The following PLEKHA5 variants were observed in gnomAD, a reference collection of about 807,000 sequenced individuals.
PLEKHA5 encodes the protein pleckstrin homology domain containing A5.
Under a neutral mutation model 181.9 loss-of-function variants are expected in PLEKHA5, and 55 were observed. The observed-to-expected ratio is 0.30, with a 90% CI of 0.24 to 0.38. PLEKHA5 has a LOEUF of 0.38. Among genes scored for constraint, PLEKHA5 ranks in the 10% least tolerant of loss-of-function variants. The probability of loss-of-function intolerance (pLI) is 1.00; values close to 1 mark genes in which losing one functional copy is unlikely to be tolerated. For missense variants in PLEKHA5, 1,432 were observed against 1,549.5 expected (o/e 0.92, Z 1.27); for synonymous variants, 535 against 529.4 (o/e 1.01, Z -0.15).
chr12:19,251,312 C>T (rs1043317457), intron 3 of PLEKHA5, among the ~76,000 whole-genome samples: 2 of 150,972 alleles, frequency 1.3e-5, no homozygotes. Flanking sequence ...GAGGCTGAGG[C>T]AGGAGGATCC....
chr12:19,268,582 A>C (rs1326321707), intron 8 of PLEKHA5, among the ~76,000 whole-genome samples: 1 of 152,198 alleles, frequency 6.6e-6, no homozygotes, highest in African/African-American at 2.4e-5. Context: ...CAGAATGGTA[A>C]GTAGAAACTT....
rs2070159135 is a variant in PLEKHA5 at position 19,265,808 on chromosome 12, G to T, written c.669G>T (p.Leu223Phe). ...TGTTACCTAGTTTTCAGATAGCTTT[G>T]CTTACCTCTGAAGATCACATTAATC... ...SILLPSFQIA[L>F]LTSEDHINRK... Residue 223 changes from leucine to phenylalanine, a missense_variant, in exon 8 of 32, where the codon TTG becomes TTT. Leu to Phe is a conservative substitution (Grantham distance 22). Coordinates refer to ENST00000429027, the MANE Select transcript of PLEKHA5 (RefSeq NM_001256470.2). 2 of 1,605,030 alleles carry T rather than the reference G, an allele frequency of 1.2e-6. No homozygotes were observed. The highest frequency in any genetic ancestry group is 2.2e-5 in the South Asian group (2 of 90,542).
intron 3 of PLEKHA5, among the ~76,000 whole-genome samples, chr12:19,206,257 C>T (rs2055469510): frequency 6.6e-6 from 1 of 151,686 alleles, no homozygotes; most frequent in African/African-American, 2.4e-5. Flanking sequence ...TATTTTTATG[C>T]GTTTTCTCCA....
chr12:19,293,790 A>G (rs937664339), intron 15 of PLEKHA5, among the ~76,000 whole-genome samples: 5 of 152,158 alleles, frequency 3.3e-5, no homozygotes, highest in African/African-American at 1.2e-4. Context: ...GCCCTTCCTC[A>G]ATCACTTTCC....
chr12:19,374,066 T>A (rs992824567), intron 31 of PLEKHA5, among the ~76,000 whole-genome samples: 2 of 152,220 alleles, frequency 1.3e-5, no homozygotes, highest in Non-Finnish European at 2.9e-5. Context: ...TTATTTCATA[T>A]CTTCCTATTA....
intron 10 of PLEKHA5, among the ~76,000 whole-genome samples, chr12:19,272,422 A>G (rs1451574911): frequency 6.6e-6 from 1 of 152,082 alleles, no homozygotes; most frequent in Non-Finnish European, 1.5e-5. Context: ...AAGAAAAAAA[A>G]CCCACCACAG....
chr12:19,358,442 A>G lies in PLEKHA5; in HGVS notation c.3348+5A>G, dbSNP rs759806744. On this transcript the variant is annotated splice_donor_5th_base_variant and intron_variant, in intron 27 of 31. Coordinates refer to ENST00000429027, the MANE Select transcript of PLEKHA5 (RefSeq NM_001256470.2). The stretch of plus-strand genomic sequence containing the variant: ...AATCCATTTAGGACTACTCAGGTAT[A>G]TGAATTGCATTTGATTATTATTTTG... The G allele has an allele frequency of 6.4e-7, 1 of 1,553,504 alleles. No homozygotes were observed. The highest frequency in any genetic ancestry group is 8.9e-7 in the Non-Finnish European group (1 of 1,126,366).
At chr12:19,155,148 A>G (rs1404678456) in intron 3 of PLEKHA5, among the ~76,000 whole-genome samples, 2 of 152,218 alleles carry the variant, frequency 1.3e-5, no homozygotes, top group Non-Finnish European at 2.9e-5. Flanking sequence ...AAAAACGTAC[A>G]TAGGAATTCT....
chr12:19,299,172 C>T (rs2080772555), intron 15 of PLEKHA5, among the ~76,000 whole-genome samples: 2 of 152,194 alleles, frequency 1.3e-5, no homozygotes, highest in Non-Finnish European at 2.9e-5. Context: ...ATTATGTTCT[C>T]CTAAAATCTT....
intron 29 of PLEKHA5, among the ~76,000 whole-genome samples, chr12:19,362,836 AATTCATCACT>A (rs2095297204): frequency 6.6e-6 from 1 of 152,006 alleles, no homozygotes; most frequent in Non-Finnish European, 1.5e-5. Flanking sequence ...CAGAGTAAGC[AATTCATCACT>A]GCCTATGCAG....
intron 3 of PLEKHA5, among the ~76,000 whole-genome samples, chr12:19,224,785 A>G (rs1347527006): frequency 1.3e-5 from 2 of 152,320 alleles, no homozygotes; most frequent in Non-Finnish European, 2.9e-5. Context: ...ATGGCTTTAA[A>G]TATATAGATA....
At chr12:19,208,805 A>T (rs573951356) in intron 3 of PLEKHA5, among the ~76,000 whole-genome samples, 1 of 152,252 alleles carries the variant, frequency 6.6e-6, no homozygotes, top group East Asian at 1.9e-4. Context: ...TACTCTGCAG[A>T]TCGAATGTTG....
At chr12:19,327,740 G>T (rs2153076608) in intron 20 of PLEKHA5, among the ~76,000 whole-genome samples, 1 of 150,828 alleles carries the variant, frequency 6.6e-6, no homozygotes, top group East Asian at 2.0e-4. Context: ...CACCTTCCAA[G>T]TTCAAGCAGT....
At chr12:19,347,205 GAATA>G in intron 24 of PLEKHA5, 23 bp downstream of exon 24, 1 of 1,360,018 alleles carries the variant, frequency 7.4e-7, no homozygotes, top group Non-Finnish European at 1.0e-6. Context: ...AATAGCCACA[GAATA>G]ATCAATCCTA....
At chr12:19,227,635 C>T (rs371414434) in intron 3 of PLEKHA5, among the ~76,000 whole-genome samples, 2 of 152,254 alleles carry the variant, frequency 1.3e-5, no homozygotes, top group South Asian at 2.1e-4. Context: ...TTCCTAAGGT[C>T]CCCCACCTCA....
chr12:19,149,966 C>T (rs2039990719), intron 3 of PLEKHA5: 1 of 152,168 alleles, frequency 6.6e-6, no homozygotes, highest in Non-Finnish European at 1.5e-5. Context: ...TGCAGACTAA[C>T]ATTGTACAAG....
intron 3 of PLEKHA5, among the ~76,000 whole-genome samples, chr12:19,240,054 T>A (rs1221905711): frequency 6.6e-6 from 1 of 152,248 alleles, no homozygotes; most frequent in Non-Finnish European, 1.5e-5. Context: ...CATAGGAATA[T>A]CATTTGACTT....
chr12:19,267,944 G>C (rs917993214), intron 8 of PLEKHA5, among the ~76,000 whole-genome samples: 9 of 151,900 alleles, frequency 5.9e-5, no homozygotes, highest in African/African-American at 2.2e-4. Context: ...TGGGCAACAA[G>C]AGCGAAACTC....
At chr12:19,306,384 C>T (rs1351747243) in intron 15 of PLEKHA5, 3 of 519,358 alleles carry the variant, frequency 5.8e-6, no homozygotes, top group Non-Finnish European at 1.1e-5. Flanking sequence ...TCTTCCCCTC[C>T]CCCGCGGCGT....
Sources: allele counts gnomAD v4.1 joint callset (sites outside exome capture counted in the v4.1 genomes callset), GRCh38; gene constraint gnomAD v4.1.1; transcripts MANE v1.5; gene names NCBI Gene and HGNC (gene_info 2026-07-23, HGNC 2026-07-21).